Variants in PPP1R14C observed in about 807,000 individuals in gnomAD.
PPP1R14C encodes the protein protein phosphatase 1 regulatory inhibitor subunit 14C.
PPP1R14C carries 16 observed loss-of-function variants against 20.4 expected under a neutral mutation model. The observed-to-expected ratio is 0.78, with a 90% CI of 0.53 to 1.19. PPP1R14C has a LOEUF of 1.19. PPP1R14C is among the 50% of genes most tolerant of loss of function. The pLI is 0.00. For synonymous variants in PPP1R14C, 91 were observed against 91.0 expected (o/e 1.00, Z 0.00); for missense variants, 211 against 220.1 (o/e 0.96, Z 0.26).
intron 3 of PPP1R14C, among the ~76,000 whole-genome samples, chr6:150,237,810 C>G (rs1056691248): frequency 6.6e-6 from 1 of 152,140 alleles, no homozygotes; most frequent in African/African-American, 2.4e-5. Flanking sequence ...GAGTCCCTCT[C>G]GTAGGCATGT....
At chr6:150,225,151 G>A (rs1327249318) in intron 3 of PPP1R14C, among the ~76,000 whole-genome samples, 1 of 151,300 alleles carries the variant, frequency 6.6e-6, no homozygotes, top group Non-Finnish European at 1.5e-5. Context: ...TTTAGACTTT[G>A]GGGAAAAAAA....
At position 150,222,143 on chromosome 6, in the gene PPP1R14C, C is replaced by T. The variant is rs74765539; in HGVS notation, c.423+5287C>T. 2.5e-3 allele frequency among the ~76,000 whole-genome samples: 377 copies of T among 152,296 alleles called. 16 individuals are homozygous for T. In the East Asian group the frequency reaches 0.065, roughly 26 times the overall value. ...GTGGTAACGATAGCAATGATAATGGCTAAAAGATCACTAGGCACTTAGCAG... is the reference window on the plus strand; with the variant it reads ...GTGGTAACGATAGCAATGATAATGGTTAAAAGATCACTAGGCACTTAGCAG... On this transcript the variant is annotated intron_variant, in intron 3 of 3. Transcript: ENST00000361131.
chr6:150,193,330 G>A (rs1562265851), intron 1 of PPP1R14C, among the ~76,000 whole-genome samples: 2 of 151,952 alleles, frequency 1.3e-5, no homozygotes, highest in Non-Finnish European at 2.9e-5. Context: ...TGCTACACTA[G>A]ATGGAAAGTT....
intron 1 of PPP1R14C, among the ~76,000 whole-genome samples, chr6:150,206,422 G>A (rs1300590697): frequency 6.6e-6 from 1 of 152,110 alleles, no homozygotes; most frequent in Non-Finnish European, 1.5e-5. Context: ...TCAGTAAATC[G>A]GTGCTGCAGG....
At chr6:150,152,068 C>T (rs1336730007) in intron 1 of PPP1R14C, among the ~76,000 whole-genome samples, 2 of 145,620 alleles carry the variant, frequency 1.4e-5, no homozygotes, top group Non-Finnish European at 3.0e-5. Flanking sequence ...TGCAGTGAGC[C>T]GAGATCCCGC....
intron 1 of PPP1R14C, among the ~76,000 whole-genome samples, chr6:150,202,449 T>G (rs1372076086): frequency 1.3e-5 from 2 of 152,210 alleles, no homozygotes; most frequent in African/African-American, 4.8e-5. Context: ...TTTGTCCCTT[T>G]CTCATTGGCA....
intron 1 of PPP1R14C, among the ~76,000 whole-genome samples, chr6:150,164,922 A>G (rs1025994983): frequency 1.3e-5 from 2 of 152,222 alleles, no homozygotes; most frequent in Admixed American, 1.3e-4. Flanking sequence ...TAAAAGACAC[A>G]AGAGAGCTCT....
chr6:150,218,820 T>C (rs1402963806), intron 3 of PPP1R14C, among the ~76,000 whole-genome samples: 1 of 152,024 alleles, frequency 6.6e-6, no homozygotes, highest in Admixed American at 6.6e-5. Context: ...AGCTAAATTA[T>C]TTTTATTTTT....
At chr6:150,149,124 T>G (rs1193604397) in intron 1 of PPP1R14C, among the ~76,000 whole-genome samples, 2 of 152,050 alleles carry the variant, frequency 1.3e-5, no homozygotes, top group Non-Finnish European at 1.5e-5. Context: ...GAAAGAAAAC[T>G]GCTTAACACA....
chr6:150,149,294 TAC>T (rs1777214971), intron 1 of PPP1R14C, among the ~76,000 whole-genome samples: 2 of 136,232 alleles, frequency 1.5e-5, no homozygotes, highest in African/African-American at 5.8e-5. Context: ...ACTTTCTCCA[TAC>T]ATATGTGTGT....
intron 1 of PPP1R14C, among the ~76,000 whole-genome samples, chr6:150,169,796 A>C (rs773051946): frequency 2.6e-4 from 39 of 152,250 alleles, no homozygotes; most frequent in Non-Finnish European, 3.7e-4. Context: ...TTTTGCTTGC[A>C]AATCTGATTT....
chr6:150,168,969 C>T (rs1012132033), intron 1 of PPP1R14C, among the ~76,000 whole-genome samples: 5 of 152,188 alleles, frequency 3.3e-5, no homozygotes, highest in Non-Finnish European at 2.9e-5. Flanking sequence ...ATCTGCCTCC[C>T]AGGCTCAAGT....
At chr6:150,223,651 T>G (rs1029123682) in intron 3 of PPP1R14C, among the ~76,000 whole-genome samples, 5 of 152,238 alleles carry the variant, frequency 3.3e-5, no homozygotes, top group Admixed American at 2.0e-4. Context: ...CTATAGATGT[T>G]AACTATGTCT....
rs141821353 is a variant in PPP1R14C at position 150,168,980 on chromosome 6, C to G, written c.306+25482C>G. On this transcript the variant is annotated intron_variant, in intron 1 of 3. Transcript: ENST00000361131. ...CAACATCTGCCTCCCAGGCTCAAGT[C>G]ATTGTCCTGCCTCAGCCTCCCAAGT... 5.5e-3 allele frequency among the ~76,000 whole-genome samples: 843 copies of G among 152,320 alleles called. 6 individuals are homozygous for G. The highest frequency in any genetic ancestry group is 0.018 in the African/African-American group (739 of 41,568).
At chr6:150,232,307 A>T (rs1428567162) in intron 3 of PPP1R14C, among the ~76,000 whole-genome samples, 1 of 151,880 alleles carries the variant, frequency 6.6e-6, no homozygotes, top group Non-Finnish European at 1.5e-5. Flanking sequence ...AGAGTTATTT[A>T]TATATTCTAG....
chr6:150,160,857 A>G (rs559168319), intron 1 of PPP1R14C, among the ~76,000 whole-genome samples: 21 of 152,134 alleles, frequency 1.4e-4, no homozygotes, highest in African/African-American at 5.1e-4. Context: ...GTGTGTATGT[A>G]TTTAATACTA....
chr6:150,194,304 T>C (rs1777778363), intron 1 of PPP1R14C, among the ~76,000 whole-genome samples: 1 of 152,244 alleles, frequency 6.6e-6, no homozygotes, highest in African/African-American at 2.4e-5. Context: ...ACCTTCCACT[T>C]ATCCCAAGAA....
intron 3 of PPP1R14C, among the ~76,000 whole-genome samples, chr6:150,244,021 G>A (rs538909432): frequency 1.8e-4 from 28 of 152,304 alleles, no homozygotes; most frequent in African/African-American, 6.7e-4. Flanking sequence ...TGGGAGGAGG[G>A]AGATTGCACA....
chr6:150,223,501 G>A (rs1778194103), intron 3 of PPP1R14C, among the ~76,000 whole-genome samples: 1 of 152,278 alleles, frequency 6.6e-6, no homozygotes, highest in Non-Finnish European at 1.5e-5. Context: ...ATCCTCACCA[G>A]CATTTAGTGT....
Sources: allele counts gnomAD v4.1 joint callset (sites outside exome capture counted in the v4.1 genomes callset), GRCh38; gene constraint gnomAD v4.1.1; transcripts MANE v1.5; gene names NCBI Gene and HGNC (gene_info 2026-07-23, HGNC 2026-07-21).